The following ATP8A1 variants were observed in gnomAD, a reference collection of about 807,000 sequenced individuals.
ATP8A1 encodes the protein ATPase phospholipid transporting 8A1.
ATP8A1 carries 90 observed loss-of-function variants against 177.7 expected under a neutral mutation model. The ratio of observed to expected loss-of-function variants is 0.51; its 90% CI spans 0.43 to 0.60. The LOEUF (loss-of-function observed/expected upper bound fraction) is 0.60, where lower values mean the gene tolerates loss of function less well. Among genes scored for constraint, ATP8A1 ranks in the 20% least tolerant of loss-of-function variants. ATP8A1 has a pLI of 0.00. For synonymous variants in ATP8A1, 493 were observed against 485.9 expected (o/e 1.01, Z -0.19); for missense variants, 1,072 against 1,392.8 (o/e 0.77, Z 3.67).
intron 25 of ATP8A1, among the ~76,000 whole-genome samples, chr4:42,475,621 T>C (rs1720977335): frequency 6.6e-6 from 1 of 152,050 alleles, no homozygotes; most frequent in African/African-American, 2.4e-5. Flanking sequence ...AATTAGGCTA[T>C]ATAAGAGAAA....
intron 22 of ATP8A1, among the ~76,000 whole-genome samples, chr4:42,509,546 C>G (rs529545283): frequency 4.2e-4 from 64 of 152,316 alleles, no homozygotes; most frequent in Admixed American, 4.2e-3. Flanking sequence ...TTGGTTCATC[C>G]TCTAAAACCA....
rs540935484 is a variant in ATP8A1 at position 42,652,327 on chromosome 4, C to T, written c.49+4498G>A. Among the ~76,000 whole-genome samples the T allele has an allele frequency of 7.2e-5, 11 of 152,216 alleles. 1 individual carries two copies. The highest frequency in any genetic ancestry group is 1.7e-4 in the African/African-American group (7 of 41,522). On this transcript the variant is annotated intron_variant, in intron 1 of 36. Coordinates refer to ENST00000381668, the MANE Select transcript of ATP8A1 (RefSeq NM_006095.2). Reference sequence around the variant, plus strand: ...TTAAGAATGCGAATCCCCAAGCCCACCACAGATTTACTCAACTAAATCTTC... The same window carrying T: ...TTAAGAATGCGAATCCCCAAGCCCATCACAGATTTACTCAACTAAATCTTC...
chr4:42,635,782 C>CACATATATATATATAT (rs1553920597), intron 1 of ATP8A1, among the ~76,000 whole-genome samples: 14 of 51,974 alleles, frequency 2.7e-4, no homozygotes, highest in Non-Finnish European at 3.3e-4. Flanking sequence ...CACACACACA[C>CACATATATATATATAT]ATATATATAT....
At chr4:42,476,577 C>T (rs1326903709) in intron 25 of ATP8A1, among the ~76,000 whole-genome samples, 2 of 151,638 alleles carry the variant, frequency 1.3e-5, no homozygotes, top group African/African-American at 4.9e-5. Flanking sequence ...TGAGATCGTG[C>T]CATCGCACTC....
chr4:42,503,507 G>T lies in ATP8A1; in HGVS notation c.2094C>A (p.Ser698=). The T allele has an allele frequency of 6.2e-7, 1 of 1,603,096 alleles. No homozygotes were observed. The highest frequency in any genetic ancestry group is 8.5e-7 in the Non-Finnish European group (1 of 1,172,488). The change falls in exon 24 of 37, where the codon TCC becomes TCA. Residue 698 remains serine (S), a synonymous_variant. Coordinates refer to ENST00000381668, the MANE Select transcript of ATP8A1 (RefSeq NM_006095.2). ...CCATGTTCTTCTTCAACAGTTTGCA[G>T]GAGTGTCCTGTATCCAAACACAGAG... is the stretch of plus-strand genomic sequence containing the variant. ...KQETAINIGH[S]CKLLKKNMGM...
intron 24 of ATP8A1, among the ~76,000 whole-genome samples, chr4:42,500,302 T>C (rs1293913011): frequency 6.6e-6 from 1 of 151,342 alleles, no homozygotes; most frequent in Non-Finnish European, 1.5e-5. Flanking sequence ...AAGGCGGAGG[T>C]TGCGGTGAGC....
At chr4:42,455,980 T>A (rs1718440805) in intron 27 of ATP8A1, among the ~76,000 whole-genome samples, 1 of 152,190 alleles carries the variant, frequency 6.6e-6, no homozygotes, top group African/African-American at 2.4e-5. Flanking sequence ...GATTGTTTTT[T>A]AAAATTATAA....
chr4:42,616,849 A>C (rs1378930336), intron 4 of ATP8A1, among the ~76,000 whole-genome samples: 2 of 152,204 alleles, frequency 1.3e-5, no homozygotes, highest in Non-Finnish European at 2.9e-5. Flanking sequence ...TGAGAATCTG[A>C]GTGCCCAGGA....
rs906365252 is a variant in ATP8A1 at position 42,588,365 on chromosome 4, G to A, written c.525-36C>T. 4 of 1,554,402 alleles carry A rather than the reference G, an allele frequency of 2.6e-6. No homozygotes were observed. In the East Asian group the frequency reaches 9.0e-5, roughly 35 times the overall value. ...GAGTTGAGAAGCACAAAGATTTAGT[G>A]CGGGAAGAAAAGCATAATAATAACT... On this transcript the variant is annotated intron_variant, in intron 7 of 36. Transcript: ENST00000381668.
At chr4:42,585,635 TA>T (rs1410098713) in intron 9 of ATP8A1, among the ~76,000 whole-genome samples, 1 of 151,542 alleles carries the variant, frequency 6.6e-6, no homozygotes, top group African/African-American at 2.4e-5. Flanking sequence ...ATTCATAAAT[TA>T]CCCAGTCTAA....
intron 1 of ATP8A1, among the ~76,000 whole-genome samples, chr4:42,642,505 C>A (rs1740105178): frequency 6.6e-6 from 1 of 152,176 alleles, no homozygotes; most frequent in Non-Finnish European, 1.5e-5. Flanking sequence ...CTCCACTAAA[C>A]AGATTAAGAT....
In ATP8A1 at chr4:42,480,370, G is replaced by A. The variant is rs188338465; in HGVS notation, c.2324+5126C>T. 2.2e-3 allele frequency among the ~76,000 whole-genome samples: 329 copies of A among 152,258 alleles called. 6 individuals carry two copies. In the South Asian group the frequency reaches 0.023, roughly 10 times the overall value. ...TGTCCTCTTTTAGCTGTACACGTATGAAAGAAATATTCTCTCAACATTTCC... is the reference window on the plus strand; with the variant it reads ...TGTCCTCTTTTAGCTGTACACGTATAAAAGAAATATTCTCTCAACATTTCC... On this transcript the variant is annotated intron_variant, in intron 25 of 36. Coordinates refer to ENST00000381668, the MANE Select transcript of ATP8A1 (RefSeq NM_006095.2).
chr4:42,609,999 T>A (rs935253889), intron 5 of ATP8A1, among the ~76,000 whole-genome samples: 2 of 152,024 alleles, frequency 1.3e-5, no homozygotes, highest in South Asian at 2.1e-4. Flanking sequence ...CCAGAGTACA[T>A]CTCATGTCTT....
chr4:42,542,435 TA>T (rs920536772), intron 20 of ATP8A1, among the ~76,000 whole-genome samples: 8 of 151,932 alleles, frequency 5.3e-5, no homozygotes, highest in African/African-American at 9.7e-5. Flanking sequence ...CTCTCTTTTT[TA>T]AAAAAAATTA....
intron 24 of ATP8A1, among the ~76,000 whole-genome samples, chr4:42,493,043 G>C (rs1722882404): frequency 6.6e-6 from 1 of 152,238 alleles, no homozygotes; most frequent in South Asian, 2.1e-4. Context: ...TAGCTGGTCA[G>C]CAGACACATG....
intron 15 of ATP8A1, among the ~76,000 whole-genome samples, chr4:42,568,326 A>C (rs1170896036): frequency 1.3e-5 from 2 of 152,250 alleles, no homozygotes; most frequent in African/African-American, 4.8e-5. Context: ...AAGTATATTG[A>C]AAATGTGGCT....
chr4:42,478,652 CT>C (rs776584828), intron 25 of ATP8A1, among the ~76,000 whole-genome samples: 30 of 152,108 alleles, frequency 2.0e-4, no homozygotes, highest in Non-Finnish European at 3.8e-4. Flanking sequence ...CTTCCTCATT[CT>C]TTTGCTAGCA....
At chr4:42,619,625 T>C (rs1473282899) in intron 4 of ATP8A1, among the ~76,000 whole-genome samples, 4 of 150,970 alleles carry the variant, frequency 2.6e-5, no homozygotes, top group African/African-American at 9.7e-5. Flanking sequence ...TATATATATA[T>C]ATATTTTAAA....
chr4:42,477,586 A>G (rs1359481788), intron 25 of ATP8A1, among the ~76,000 whole-genome samples: 1 of 152,210 alleles, frequency 6.6e-6, no homozygotes, highest in East Asian at 1.9e-4. Context: ...TCATTGTAGC[A>G]AAGATTTGGA....
Sources: gnomAD v4.1 joint callset for allele counts (sites outside exome capture counted in the v4.1 genomes callset) on GRCh38, gnomAD v4.1.1 for gene constraint, MANE v1.5 for transcripts, NCBI Gene and HGNC (gene_info 2026-07-23, HGNC 2026-07-21) for gene names.